The following FRMD3 variants were observed in gnomAD, a reference collection of about 807,000 sequenced individuals.
FRMD3 encodes the protein FERM domain-containing protein 3.
FRMD3 carries 33 observed loss-of-function variants against 70.2 expected under a neutral mutation model. The ratio of observed to expected loss-of-function variants is 0.47; its 90% CI spans 0.36 to 0.63. The LOEUF is 0.63. FRMD3 is among the 20% of genes least tolerant of loss of function. FRMD3 has a pLI of 0.00. For synonymous variants in FRMD3, 279 were observed against 255.9 expected (o/e 1.09, Z -0.86); for missense variants, 632 against 711.4 (o/e 0.89, Z 1.27).
At chr9:83,492,703 G>A (rs1041856453) in intron 1 of FRMD3, among the ~76,000 whole-genome samples, 1 of 152,186 alleles carries the variant, frequency 6.6e-6, no homozygotes, top group Non-Finnish European at 1.5e-5. Context: ...TCTCCACTCA[G>A]TTCCAGCTGT....
Position 83,248,214 on chromosome 9 carries a change from C to G in FRMD3, c.1498G>C (p.Glu500Gln). The G allele has an allele frequency of 6.2e-7, 1 of 1,614,164 alleles. No individual in the cohort carries two copies. The highest frequency in any genetic ancestry group is 8.5e-7 in the Non-Finnish European group (1 of 1,180,040). The change falls in exon 14 of 14, where the codon GAG (glutamate) becomes CAG (glutamine). Residue 500 changes from glutamate (E) to glutamine (Q), a missense_variant. By Grantham distance (29) the Glu-to-Gln change is conservative. This residue lies in a region of FRMD3 where 418 missense variants were observed against 442.1 expected (regional missense o/e 0.95). Coordinates refer to ENST00000304195, the MANE Select transcript of FRMD3 (RefSeq NM_174938.6). ...AAAGCACGGCGAGCCTCCTTCAGCT[C>G]CTCTTCTTCAGCAATCAAAAAGGCG... ...ENAFLIAEEE[E>Q]LKEARRALSW...
intron 1 of FRMD3, among the ~76,000 whole-genome samples, chr9:83,503,769 G>A (rs768701792): frequency 1.3e-5 from 2 of 152,152 alleles, no homozygotes; most frequent in African/African-American, 2.4e-5. Context: ...ACACTCCAGG[G>A]CCACATCTCC....
chr9:83,267,308 G>T, intron 13 of FRMD3: 3 of 1,433,702 alleles, frequency 2.1e-6, no homozygotes, highest in Non-Finnish European at 2.7e-6. Flanking sequence ...GCATTGGGAG[G>T]GGAGGAGGGA....
intron 1 of FRMD3, among the ~76,000 whole-genome samples, chr9:83,473,000 G>A (rs1056329240): frequency 5.9e-5 from 9 of 151,930 alleles, no homozygotes; most frequent in African/African-American, 1.2e-4. Context: ...GGATTGTGGC[G>A]AAACCTCCCA....
intron 5 of FRMD3, among the ~76,000 whole-genome samples, chr9:83,338,318 A>G (rs2131148870): frequency 6.6e-6 from 1 of 152,366 alleles, no homozygotes; most frequent in East Asian, 1.9e-4. Flanking sequence ...TCCTCCAGAG[A>G]GCAAGGTGGG....
At chr9:83,516,876 G>T (rs1157854598) in intron 1 of FRMD3, among the ~76,000 whole-genome samples, 1 of 151,996 alleles carries the variant, frequency 6.6e-6, no homozygotes, top group Non-Finnish European at 1.5e-5. Context: ...ATTTCTACTG[G>T]GTAAATAATG....
At chr9:83,410,811 T>C (rs1826257762) in intron 1 of FRMD3, among the ~76,000 whole-genome samples, 1 of 152,228 alleles carries the variant, frequency 6.6e-6, no homozygotes, top group South Asian at 2.1e-4. Context: ...CACCAGCATC[T>C]GTTGTTTTTG....
intron 3 of FRMD3, among the ~76,000 whole-genome samples, chr9:83,363,769 T>C (rs987775388): frequency 6.6e-6 from 1 of 152,142 alleles, no homozygotes; most frequent in Non-Finnish European, 1.5e-5. Context: ...TTAGCCAGGA[T>C]GGTCTCGATC....
chr9:83,265,256 C>T (rs1176265217), intron 13 of FRMD3, among the ~76,000 whole-genome samples: 1 of 151,670 alleles, frequency 6.6e-6, no homozygotes, highest in Non-Finnish European at 1.5e-5. Flanking sequence ...AAAAATTAGC[C>T]GGGCGTGGTG....
chr9:83,300,027 C>A (rs893816129), intron 10 of FRMD3, among the ~76,000 whole-genome samples: 2 of 152,214 alleles, frequency 1.3e-5, no homozygotes, highest in Admixed American at 1.3e-4. Context: ...AGTTCAGCAT[C>A]GTTTAAAATA....
intron 1 of FRMD3, among the ~76,000 whole-genome samples, chr9:83,490,794 TCTCTCACACACACACACACACACACA>T (rs1828804042): frequency 8.3e-6 from 1 of 120,544 alleles, no homozygotes; most frequent in Admixed American, 8.0e-5. Flanking sequence ...TCTCTCTCTC[TCTCTCACACACACACACACACACACA>T]CACACACACC....
At position 83,246,483 on chromosome 9, in the gene FRMD3, G is replaced by T; in HGVS notation, c.*1435C>A. 3.0e-6 allele frequency: 3 copies of T among 985,134 alleles called. No homozygotes were observed. Among genetic ancestry groups the T allele is most frequent in the Non-Finnish European group, 3.6e-6 (3 of 829,862 alleles). 61.0% of individuals were successfully genotyped at this position (985,134 alleles called of 1,614,324 possible). ...TGGTCCCCTCTACAGTCTGGTTAGG[G>T]TCATGTCACTACTTTACCCAGGCTG... On this transcript the variant is annotated 3_prime_UTR_variant, in exon 14 of 14. Coordinates refer to ENST00000304195, the MANE Select transcript of FRMD3 (RefSeq NM_174938.6).
chr9:83,371,691 T>C (rs1443487573), intron 3 of FRMD3, among the ~76,000 whole-genome samples: 1 of 152,190 alleles, frequency 6.6e-6, no homozygotes, highest in Non-Finnish European at 1.5e-5. Context: ...CCCAACTCTG[T>C]TCCAGCCTTG....
chr9:83,334,834 G>T (rs1469938006), intron 6 of FRMD3, among the ~76,000 whole-genome samples: 1 of 152,176 alleles, frequency 6.6e-6, no homozygotes, highest in Non-Finnish European at 1.5e-5. Context: ...ATACTTACTA[G>T]CTGCGTGACC....
At chr9:83,256,188 A>C (rs1235841450) in intron 13 of FRMD3, among the ~76,000 whole-genome samples, 1 of 152,178 alleles carries the variant, frequency 6.6e-6, no homozygotes, top group African/African-American at 2.4e-5. Context: ...GACCAATGGA[A>C]CAGAATAGAG....
In FRMD3 at chr9:83,537,838, C is replaced by T. The variant is rs1357266150; in HGVS notation, c.147+247G>A. On this transcript the variant is annotated intron_variant, in intron 1 of 13. Coordinates refer to ENST00000304195, the MANE Select transcript of FRMD3 (RefSeq NM_174938.6). This position sits in a 1 kb window ranked among gnomAD's most constrained non-coding sequence, Gnocchi z 4.1. ...GCCCGGGCGCAGTGAGACGCGCGCG[C>T]AGGGTGCACGCGAGGGGAAGGAGAC... Among the ~76,000 whole-genome samples the T allele has an allele frequency of 6.6e-6, 1 of 151,040 alleles. No individual in the cohort carries two copies. The highest frequency in any genetic ancestry group is 1.5e-5 in the Non-Finnish European group (1 of 67,642).
chr9:83,309,920 A>C (rs1835287619), intron 9 of FRMD3, among the ~76,000 whole-genome samples: 1 of 152,176 alleles, frequency 6.6e-6, no homozygotes, highest in African/African-American at 2.4e-5. Context: ...GAATTAGCCT[A>C]AAAACATATT....
chr9:83,461,496 C>T (rs1587876239), intron 1 of FRMD3, among the ~76,000 whole-genome samples: 1 of 151,896 alleles, frequency 6.6e-6, no homozygotes, highest in Admixed American at 6.6e-5. Flanking sequence ...CACAGGGTAT[C>T]AGGGAAGGCT....
At chr9:83,488,276 C>T (rs960497083) in intron 1 of FRMD3, among the ~76,000 whole-genome samples, 2 of 152,266 alleles carry the variant, frequency 1.3e-5, no homozygotes, top group Admixed American at 6.5e-5. Context: ...AGAGGTAATG[C>T]GCTAATGCAC....
Sources: gnomAD v4.1 joint callset for allele counts (sites outside exome capture counted in the v4.1 genomes callset) on GRCh38, gnomAD v4.1.1 for gene constraint, gnomAD v4.1.1 regional missense constraint, Gnocchi (gnomAD v3.1) non-coding constraint, MANE v1.5 for transcripts, NCBI Gene and HGNC (gene_info 2026-07-23, HGNC 2026-07-21) for gene names.